NOL8: variants seen among roughly 807,000 people sequenced by gnomAD.
The protein encoded by NOL8 is nucleolar protein Nop132.
A neutral mutation model predicts 116.1 loss-of-function variants in NOL8; 93 were observed. The ratio of observed to expected loss-of-function variants is 0.80; its 90% CI spans 0.68 to 0.95. NOL8 has a LOEUF of 0.95. Among genes scored for constraint, NOL8 ranks in the 40% least tolerant of loss-of-function variants. The pLI is 0.00. For missense variants in NOL8, 1,291 were observed against 1,382.8 expected (o/e 0.93, Z 1.05); for synonymous variants, 419 against 469.0 (o/e 0.89, Z 1.38).
chr9:92,311,186 G>T lies in NOL8; in HGVS notation c.2432C>A (p.Ser811Ter), dbSNP rs747719597. Residue 811 changes from serine to a stop codon, truncating the protein, a stop_gained, in exon 8 of 17, where the codon TCG (serine) becomes TAG (stop). Transcript: ENST00000442668. LOFTEE classifies it high-confidence loss of function. ...TCCTGGATGGCTCTGCTCCTGAGTC[G>T]ATGTCTCCTCTGTTTCACATTCACT... ...SDSECETEET[S>*]TQEQSHPGEE... 4.3e-6 allele frequency: 7 copies of T among 1,613,754 alleles called. No individual in the cohort carries two copies. The highest frequency in any genetic ancestry group is 5.9e-6 in the Non-Finnish European group (7 of 1,179,790).
chr9:92,317,513 T>C (rs1236195003), intron 6 of NOL8, among the ~76,000 whole-genome samples: 2 of 152,158 alleles, frequency 1.3e-5, no homozygotes, highest in Admixed American at 1.3e-4. Flanking sequence ...ATTCAGGTAG[T>C]AGTGGTTTCA....
At chr9:92,313,931 G>A (rs773785149) in intron 7 of NOL8, among the ~76,000 whole-genome samples, 1 of 152,108 alleles carries the variant, frequency 6.6e-6, no homozygotes, top group Non-Finnish European at 1.5e-5. Flanking sequence ...TTACTATAAA[G>A]GTGTACTTAA....
Position 92,315,562 on chromosome 9 carries a change from C to T in NOL8, c.1063G>A (p.Gly355Ser). ...TGGCAAGAGACACGATTTTTGATAC[C>T]TAAACCTATTAAAGAATGCAGTTTG... ...VHKLHSLIGL[G>S]IKNRVSCHDS... The change falls in exon 7 of 17, where the codon GGT becomes AGT. Residue 355 changes from glycine (G) to serine (S), a missense_variant. Transcript: ENST00000442668. 6.2e-7 allele frequency: 1 copy of T among 1,612,422 alleles called. No homozygotes were observed. The highest frequency in any genetic ancestry group is 8.5e-7 in the Non-Finnish European group (1 of 1,179,352).
At chr9:92,320,592 A>AT in intron 4 of NOL8, among the ~76,000 whole-genome samples, 1 of 150,542 alleles carries the variant, frequency 6.6e-6, no homozygotes, top group Non-Finnish European at 1.5e-5. Context: ...CTACCTGTAT[A>AT]TTCTTTTTTT....
intron 12 of NOL8, among the ~76,000 whole-genome samples, chr9:92,304,540 G>T (rs746348352): frequency 1.3e-5 from 2 of 152,044 alleles, no homozygotes; most frequent in African/African-American, 4.8e-5. Context: ...GTATAGGGAG[G>T]GGGTAAACAT....
Position 92,298,884 on chromosome 9 carries a change from C to A in NOL8, c.3373G>T (p.Gly1125Cys). The A allele has an allele frequency of 6.6e-7, 1 of 1,516,688 alleles. No homozygotes were observed. Among genetic ancestry groups the A allele is most frequent in the Non-Finnish European group, 8.9e-7 (1 of 1,123,624 alleles). The allele number at this position is 1,516,688 out of a possible 1,614,324, so 94.0% of individuals were successfully genotyped here. A position where few individuals can be genotyped will look rare whatever the true frequency, so the allele number is the denominator to read the frequency against. The change falls in exon 15 of 17, where the codon GGT becomes TGT. Residue 1125 changes from glycine to cysteine, a missense_variant and splice_region_variant. Transcript: ENST00000442668. Reference protein sequence around the residue: ...FFSKNDERLQGSDLFWRGVGS... With the variant: ...FFSKNDERLQCSDLFWRGVGS... ...AATTTGATGAAAAAAATGGACTGACCTTGAAGTCGTTCATCATTCTTAGAG... is the reference window on the plus strand; with the variant it reads ...AATTTGATGAAAAAAATGGACTGACATTGAAGTCGTTCATCATTCTTAGAG...
intron 4 of NOL8, among the ~76,000 whole-genome samples, chr9:92,320,812 A>G (rs1157984498): frequency 4.6e-5 from 7 of 152,168 alleles, no homozygotes; most frequent in Admixed American, 2.6e-4. Flanking sequence ...TCACCACTTT[A>G]GCCAGGCTGG....
At chr9:92,298,644 A>G (rs1205936882) in intron 15 of NOL8, 3 of 485,150 alleles carry the variant, frequency 6.2e-6, no homozygotes, top group Non-Finnish European at 1.1e-5. Flanking sequence ...TTATATGTCT[A>G]ACATCTAAGG....
intron 15 of NOL8, 115 bp downstream of exon 15, chr9:92,298,769 C>T (rs1451135289): frequency 1.7e-6 from 1 of 582,110 alleles, no homozygotes. Flanking sequence ...TCAGTGTGAA[C>T]AAATGGGGTT....
At chr9:92,301,482 T>G in intron 13 of NOL8, 69 bp downstream of exon 13, 2 of 1,216,372 alleles carry the variant, frequency 1.6e-6, no homozygotes, top group Non-Finnish European at 2.3e-6. Flanking sequence ...TCTGTTACAC[T>G]TAATGCAGAT....
rs778249703 is a variant in NOL8, at chr9:92,323,439, A to G, written c.202+2T>C. ...AGTATAGAAAATATATGATGATCTT[A>G]CATTTTTTCAGGTCCGCTTCTGCTA... On this transcript the variant is annotated splice_donor_variant, in intron 3 of 16. Coordinates refer to ENST00000442668, the MANE Select transcript of NOL8 (RefSeq NM_017948.6). LOFTEE classifies it high-confidence loss of function. The G allele has an allele frequency of 2.1e-5, 33 of 1,601,360 alleles. No individual in the cohort carries two copies. Among genetic ancestry groups the G allele is most frequent in the Non-Finnish European group, 2.7e-5 (32 of 1,173,326 alleles).
chr9:92,317,040 C>A (rs1839475210), intron 6 of NOL8, among the ~76,000 whole-genome samples: 1 of 152,220 alleles, frequency 6.6e-6, no homozygotes, highest in South Asian at 2.1e-4. Flanking sequence ...ACAGCTTCAA[C>A]CTTCCAGGCT....
rs1268645990 is a variant in NOL8, at chr9:92,314,729, A to G, written c.1896T>C (p.His632=). Residue 632 remains histidine, a synonymous_variant, in exon 7 of 17, where the codon CAT becomes CAC. Transcript: ENST00000442668. ...GSLGEVTPCQ[H]AKKANGPNYI... is the part of the protein sequence containing the mutation. ...AGTTTGGGCCATTCGCCTTCTTTGC[A>G]TGTTGGCATGGAGTCACTTCACCTA... The G allele has an allele frequency of 2.5e-6, 4 of 1,613,780 alleles. No individual in the cohort carries two copies. The highest frequency in any genetic ancestry group is 1.7e-5 in the Admixed American group (1 of 59,982).
chr9:92,299,966 C>G lies in NOL8; in HGVS notation c.3226G>C (p.Asp1076His). ...VKPGKIVWQE[D>H]PRLQDSSSEE... Reference sequence around the variant, plus strand: ...GAACTGCTGTCTTGTAAACGAGGGTCTTCCTGCCAGACAATCTTTCCAGGT... The same window carrying G: ...GAACTGCTGTCTTGTAAACGAGGGTGTTCCTGCCAGACAATCTTTCCAGGT... Residue 1076 changes from aspartate to histidine, a missense_variant, in exon 14 of 17, where the codon GAC becomes CAC. Transcript: ENST00000442668. 1 of 1,613,636 alleles carries G rather than the reference C, an allele frequency of 6.2e-7. No homozygotes were observed. Among genetic ancestry groups the G allele is most frequent in the Non-Finnish European group, 8.5e-7 (1 of 1,179,686 alleles).
chr9:92,321,285 G>A (rs1307428571), intron 4 of NOL8, among the ~76,000 whole-genome samples: 1 of 152,138 alleles, frequency 6.6e-6, no homozygotes, highest in Non-Finnish European at 1.5e-5. Flanking sequence ...GTCATCAGTG[G>A]GAAGGGACCA....
chr9:92,324,934 G>A (rs956443386), intron 1 of NOL8: 1 of 152,146 alleles, frequency 6.6e-6, no homozygotes, highest in African/African-American at 2.4e-5. Flanking sequence ...GGATTATAAT[G>A]CAGGTCTACC....
rs919508434 is a variant in NOL8 at position 92,321,214 on chromosome 9, A to G, written c.281+454T>C. 3.9e-5 allele frequency among the ~76,000 whole-genome samples: 6 copies of G among 152,342 alleles called. No individual in the cohort carries two copies. In the South Asian group the frequency reaches 8.3e-4, roughly 21 times the overall value. On this transcript the variant is annotated intron_variant, in intron 4 of 16. Transcript: ENST00000442668. ...TTTTCTGATATAAACTGAGAGAAACACCTGCATATACATAGGATATGTGCT... is the reference window on the plus strand; with the variant it reads ...TTTTCTGATATAAACTGAGAGAAACGCCTGCATATACATAGGATATGTGCT...
rs1837353403 is a variant in NOL8 at position 92,297,681 on chromosome 9, C to A, written c.*155G>T. The A allele has an allele frequency of 1.7e-6, 1 of 602,610 alleles. No individual in the cohort carries two copies. The highest frequency in any genetic ancestry group is 1.9e-5 in the African/African-American group (1 of 52,778). The allele number at this position is 602,610 out of a possible 1,614,324, so 37.3% of individuals were successfully genotyped here. A position where few individuals can be genotyped will look rare whatever the true frequency, so the allele number is the denominator to read the frequency against. On this transcript the variant is annotated 3_prime_UTR_variant, in exon 17 of 17. Coordinates refer to ENST00000442668, the MANE Select transcript of NOL8 (RefSeq NM_017948.6). Reference sequence around the variant, plus strand: ...TAGGAAGAAATGCAGAGGAGTTCCACAGAAAAAGATGGCAACCAGAATGAT... The same window carrying A: ...TAGGAAGAAATGCAGAGGAGTTCCAAAGAAAAAGATGGCAACCAGAATGAT...
At chr9:92,302,039 C>T (rs1226434326) in intron 12 of NOL8, among the ~76,000 whole-genome samples, 1 of 152,118 alleles carries the variant, frequency 6.6e-6, no homozygotes, top group Non-Finnish European at 1.5e-5. Flanking sequence ...GCTTTTTTTA[C>T]ACAAATCTCA....
Sources: gnomAD v4.1 joint callset for allele counts (sites outside exome capture counted in the v4.1 genomes callset) on GRCh38, gnomAD v4.1.1 for gene constraint, MANE v1.5 for transcripts, NCBI Gene and HGNC (gene_info 2026-07-23, HGNC 2026-07-21) for gene names.